The following USP31 variants were observed in gnomAD, a reference collection of about 807,000 sequenced individuals.
USP31 encodes the protein ubiquitin specific peptidase 31, also known as ubiquitin carboxyl-terminal hydrolase 31.
A neutral mutation model predicts 119.4 loss-of-function variants in USP31; 44 were observed. That is an observed-to-expected ratio of 0.37 (90% CI 0.29 to 0.47). USP31 has a LOEUF of 0.47. Among genes scored for constraint, USP31 ranks in the 20% least tolerant of loss-of-function variants. The probability of loss-of-function intolerance (pLI) is 0.99; values close to 1 mark genes in which losing one functional copy is unlikely to be tolerated. For synonymous variants in USP31, 749 were observed against 705.6 expected (o/e 1.06, Z -0.97); for missense variants, 1,643 against 1,730.2 (o/e 0.95, Z 0.89).
chr16:23,085,755 A>C, intron 9 of USP31, 93 bp from the exon 10 acceptor site: 1 of 1,100,306 alleles, frequency 9.1e-7, no homozygotes, highest in Non-Finnish European at 1.3e-6. Context: ...CAAAATCATA[A>C]TTTCAGGTGA....
intron 6 of USP31, among the ~76,000 whole-genome samples, chr16:23,100,814 T>C (rs994615732): frequency 1.3e-5 from 2 of 152,012 alleles, no homozygotes; most frequent in Non-Finnish European, 2.9e-5. Context: ...GACTGGAAGG[T>C]ACCTTGGGAA....
intron 1 of USP31, among the ~76,000 whole-genome samples, chr16:23,134,142 G>T (rs2141898304): frequency 1.3e-5 from 2 of 151,406 alleles, no homozygotes; most frequent in Middle Eastern, 3.4e-3. Flanking sequence ...AGATTACTTT[G>T]TTTTTGAAAC....
chr16:23,126,320 T>TAAA (rs71279502), intron 1 of USP31, among the ~76,000 whole-genome samples: 9 of 107,190 alleles, frequency 8.4e-5, no homozygotes, highest in East Asian at 5.0e-4. Flanking sequence ...CCTGTCTCTT[T>TAAA]AAAAAAAAAA....
rs796420845 is a variant in USP31 at position 23,090,458 on chromosome 16, G to A, written c.1415+166C>T. On this transcript the variant is annotated intron_variant, in intron 7 of 15. Coordinates refer to ENST00000219689, the MANE Select transcript of USP31 (RefSeq NM_020718.4). ...CAGATTCCTAATTTTACTCTCCCCC[G>A]ACCAACCCCCCAAATCAGGTCAACT... 9.2e-5 allele frequency among the ~76,000 whole-genome samples: 14 copies of A among 151,356 alleles called. 1 individual carries two copies. Among genetic ancestry groups the A allele is most frequent in the African/African-American group, 2.4e-4 (10 of 41,212 alleles).
intron 1 of USP31, among the ~76,000 whole-genome samples, chr16:23,125,084 A>T (rs1167249041): frequency 6.6e-6 from 1 of 152,132 alleles, no homozygotes; most frequent in Non-Finnish European, 1.5e-5. Context: ...CTTATGTCCC[A>T]GACCTGCTGT....
chr16:23,141,505 G>A (rs1246280044), intron 1 of USP31, among the ~76,000 whole-genome samples: 1 of 151,802 alleles, frequency 6.6e-6, no homozygotes, highest in Non-Finnish European at 1.5e-5. Flanking sequence ...AGCCTCCGAA[G>A]TAGCTGGAAC....
chr16:23,118,417 T>C (rs769866567), intron 1 of USP31, among the ~76,000 whole-genome samples: 35 of 152,110 alleles, frequency 2.3e-4, no homozygotes, highest in Non-Finnish European at 4.4e-4. Flanking sequence ...ATAAAAACCA[T>C]GTCCTGGCAG....
At chr16:23,093,988 G>A (rs1351074155) in intron 6 of USP31, among the ~76,000 whole-genome samples, 3 of 152,174 alleles carry the variant, frequency 2.0e-5, no homozygotes, top group African/African-American at 7.2e-5. Context: ...CATCTCATTG[G>A]GACGGTTGGA....
chr16:23,133,127 A>G (rs1903079628), intron 1 of USP31, among the ~76,000 whole-genome samples: 1 of 152,188 alleles, frequency 6.6e-6, no homozygotes, highest in African/African-American at 2.4e-5. Context: ...GAGGCAACTC[A>G]TCCTATTTTC....
At chr16:23,126,570 T>G (rs1374765807) in intron 1 of USP31, among the ~76,000 whole-genome samples, 1 of 147,644 alleles carries the variant, frequency 6.8e-6, no homozygotes, top group Non-Finnish European at 1.5e-5. Flanking sequence ...GGGCTTGCAG[T>G]GAACCAAGAT....
At chr16:23,135,523 T>C (rs763658080) in intron 1 of USP31, among the ~76,000 whole-genome samples, 13 of 152,086 alleles carry the variant, frequency 8.5e-5, no homozygotes, top group South Asian at 2.1e-4. Flanking sequence ...CAAAAATCAA[T>C]TGCACTTTTA....
chr16:23,080,041 C>T lies in USP31; in HGVS notation c.2081G>A (p.Arg694Gln), dbSNP rs1308024815. 5.0e-6 allele frequency: 8 copies of T among 1,613,970 alleles called. No individual in the cohort carries two copies. The highest frequency in any genetic ancestry group is 6.8e-6 in the Non-Finnish European group (8 of 1,180,034). ...AGGGTCCCTCCCGAGTCCATAGGGC[C>T]GTCTCCACGGGGACCAATGCGATGG... ...SLPSHWSPWR[R>Q]PYGLGRDPED... is the part of the protein sequence containing the mutation. The change falls in exon 13 of 16, where the codon CGG (arginine) becomes CAG (glutamine). Residue 694 changes from arginine to glutamine, a missense_variant. Around this residue, in one of 5 missense-constraint regions of USP31, gnomAD observed 279 missense variants for 372.2 expected, o/e 0.75. Coordinates refer to ENST00000219689, the MANE Select transcript of USP31 (RefSeq NM_020718.4).
At chr16:23,132,330 AG>A (rs148261999) in intron 1 of USP31, among the ~76,000 whole-genome samples, 8,930 of 151,520 alleles carry the variant, frequency 0.059, 349 homozygotes, top group Non-Finnish European at 0.079. Context: ...TAAATATAAA[AG>A]GTTTTTTTTT....
chr16:23,147,083 C>T (rs1332570665), intron 1 of USP31, among the ~76,000 whole-genome samples: 3 of 151,858 alleles, frequency 2.0e-5, no homozygotes, highest in Non-Finnish European at 4.4e-5. Flanking sequence ...AGGAATTAAC[C>T]TTCTCCCTGT....
chr16:23,148,918 G>A lies in USP31; in HGVS notation c.353C>T (p.Ala118Val), dbSNP rs748232158. ...GCCGGGCACCGGCTCGGCGGCGCAA[G>A]CGGGCGGCGCGGGAGAGGCGGGCGG... is the stretch of plus-strand genomic sequence containing the variant. ...PPPPASPAPPACAAEPVPGVA... is the reference protein window; with the variant it reads ...PPPPASPAPPVCAAEPVPGVA... The change falls in exon 1 of 16, where the codon GCT becomes GTT. Residue 118 changes from alanine to valine, a missense_variant. Physicochemically the swap from Ala to Val is moderately conservative, Grantham distance 64. Around this residue, in one of 5 missense-constraint regions of USP31, gnomAD observed 302 missense variants for 262.6 expected, o/e 1.15. Coordinates refer to ENST00000219689, the MANE Select transcript of USP31 (RefSeq NM_020718.4). The A allele has an allele frequency of 7.6e-7, 1 of 1,309,744 alleles. No individual in the cohort carries two copies. The highest frequency in any genetic ancestry group is 9.8e-7 in the Non-Finnish European group (1 of 1,023,356). 81.1% of individuals were successfully genotyped at this position (1,309,744 alleles called of 1,614,324 possible). A position where few individuals can be genotyped will look rare whatever the true frequency, so the allele number is the denominator to read the frequency against.
chr16:23,084,571 C>A (rs1468235962), intron 11 of USP31, among the ~76,000 whole-genome samples: 2 of 152,174 alleles, frequency 1.3e-5, no homozygotes, highest in East Asian at 3.9e-4. Context: ...GATCTTAAAA[C>A]TTCTAAATTG....
At chr16:23,121,364 T>C (rs1902663307) in intron 1 of USP31, among the ~76,000 whole-genome samples, 1 of 152,094 alleles carries the variant, frequency 6.6e-6, no homozygotes, top group Non-Finnish European at 1.5e-5. Flanking sequence ...AAGAATCAGA[T>C]CTCCTAAAAA....
chr16:23,132,971 A>C (rs1334413459), intron 1 of USP31, among the ~76,000 whole-genome samples: 1 of 152,212 alleles, frequency 6.6e-6, no homozygotes, highest in Non-Finnish European at 1.5e-5. Flanking sequence ...TTATAAGCTC[A>C]AAAGTCAGAA....
At chr16:23,114,318 A>G (rs980252604) in intron 1 of USP31, among the ~76,000 whole-genome samples, 5 of 152,156 alleles carry the variant, frequency 3.3e-5, no homozygotes, top group African/African-American at 4.8e-5. Flanking sequence ...ACAACTGCCA[A>G]GAAGAGCTCT....
Sources: gnomAD v4.1 joint callset for allele counts (sites outside exome capture counted in the v4.1 genomes callset) on GRCh38, gnomAD v4.1.1 for gene constraint, gnomAD v4.1.1 regional missense constraint, MANE v1.5 for transcripts, NCBI Gene and HGNC (gene_info 2026-07-23, HGNC 2026-07-21) for gene names.